The following HINFP variants were observed in gnomAD, a reference collection of about 807,000 sequenced individuals.
The protein encoded by HINFP is histone H4 transcription factor.
Under a neutral mutation model 50.1 loss-of-function variants are expected in HINFP, and 20 were observed. The observed-to-expected ratio is 0.40, with a 90% confidence interval of 0.28 to 0.58. HINFP has a LOEUF of 0.58. HINFP is among the 20% of genes least tolerant of loss of function. HINFP has a pLI of 0.45. For missense variants in HINFP, 505 were observed against 664.1 expected (o/e 0.76, Z 2.63); for synonymous variants, 247 against 243.7 (o/e 1.01, Z -0.13).
At position 119,134,505 on chromosome 11, in the gene HINFP, C is replaced by T. The variant is rs998282241; in HGVS notation, c.*7C>T. 1 of 1,573,798 alleles carries T rather than the reference C, an allele frequency of 6.4e-7. No individual in the cohort carries two copies. The highest frequency in any genetic ancestry group is 1.4e-5 in the African/African-American group (1 of 73,778). On this transcript the variant is annotated 3_prime_UTR_variant, in exon 10 of 10. Coordinates refer to ENST00000350777, the MANE Select transcript of HINFP (RefSeq NM_198971.3). This position sits in a 1 kb window ranked among gnomAD's most constrained non-coding sequence, Gnocchi z 4.3. Reference sequence around the variant, plus strand: ...AGAGATCCAGATGGTTTGAAGGCCGCAGAGCCAGACCATTTCTTCCCCAGG... The same window carrying T: ...AGAGATCCAGATGGTTTGAAGGCCGTAGAGCCAGACCATTTCTTCCCCAGG...
chr11:119,130,698 C>G (rs534801078), intron 2 of HINFP, 27 bp from the exon 3 acceptor site: 2 of 1,597,280 alleles, frequency 1.3e-6, no homozygotes, highest in South Asian at 1.1e-5. Flanking sequence ...AAGTGTCAGA[C>G]TCTTCCTTTT....
intron 1 of HINFP, 174 bp from the exon 2 acceptor site, chr11:119,126,761 A>C (rs1947430448): frequency 1.8e-6 from 1 of 558,604 alleles, no homozygotes. Context: ...CAAACACCAG[A>C]CATCTTCCAG....
chr11:119,128,862 C>A (rs1947575208), intron 2 of HINFP, among the ~76,000 whole-genome samples: 2 of 151,714 alleles, frequency 1.3e-5, no homozygotes, highest in African/African-American at 4.8e-5. Flanking sequence ...CTATGCCCAG[C>A]TAATTTTTTT....
intron 1 of HINFP, among the ~76,000 whole-genome samples, chr11:119,123,568 G>A (rs1296217537): frequency 2.0e-5 from 3 of 150,652 alleles, no homozygotes; most frequent in African/African-American, 7.3e-5. Flanking sequence ...TTTTTGACAG[G>A]GTCTGGGTCT....
At position 119,132,580 on chromosome 11, in the gene HINFP, G is replaced by A; in HGVS notation, c.754+7G>A. ...GACCACATGCGCAACCATGGTGAGT[G>A]GCCTGCGGCCCACAGCCTCCCTCCT... On this transcript the variant is annotated splice_region_variant and intron_variant, in intron 6 of 9. Coordinates refer to ENST00000350777, the MANE Select transcript of HINFP (RefSeq NM_198971.3). 2.5e-6 allele frequency: 4 copies of A among 1,614,064 alleles called. No homozygotes were observed. The highest frequency in any genetic ancestry group is 3.4e-6 in the Non-Finnish European group (4 of 1,180,004).
At position 119,131,396 on chromosome 11, in the gene HINFP, C is replaced by T; in HGVS notation, c.412-139C>T. The T allele has an allele frequency of 4.4e-6, 3 of 682,952 alleles. No homozygotes were observed. Among genetic ancestry groups the T allele is most frequent in the South Asian group, 1.6e-5 (1 of 61,638 alleles). 42.3% of individuals were successfully genotyped at this position (682,952 alleles called of 1,614,324 possible). A position where few individuals can be genotyped will look rare whatever the true frequency, so the allele number is the denominator to read the frequency against. On this transcript the variant is annotated intron_variant, in intron 3 of 9. Transcript: ENST00000350777. This position sits in a 1 kb window ranked among gnomAD's most constrained non-coding sequence, Gnocchi z 4.2. ...TAGCAACCGCACCCGGCCACTCCTC[C>T]ATTTCTGTGCAGTGCCTTTCCTCAA...
intron 1 of HINFP, among the ~76,000 whole-genome samples, chr11:119,123,002 A>G (rs1397890014): frequency 1.3e-5 from 2 of 151,970 alleles, no homozygotes; most frequent in Non-Finnish European, 2.9e-5. Flanking sequence ...GCGTGCTTAT[A>G]GTCCCAGCTA....
rs662069 is a variant in HINFP at position 119,132,612 on chromosome 11, C to G, written c.754+39C>G. 3.7e-5 allele frequency: 59 copies of G among 1,613,794 alleles called. No individual in the cohort carries two copies. The Middle Eastern group carries it at 4.9e-4, about 13-fold the overall frequency. On this transcript the variant is annotated intron_variant, in intron 6 of 9. Transcript: ENST00000350777. ...GGCCCACAGCCTCCCTCCTGCCCTC[C>G]AAGGTTCCACAAGTTCTCACATCAC...
rs995954596 is a variant in HINFP, at chr11:119,133,774, C to A, written c.1140-310C>A. Reference sequence around the variant, plus strand: ...CTGCAGCTGGAACTAGAGCTAGAGTCTAAGGGTTCTGATCCTTAGCTCCAA... The same window carrying A: ...CTGCAGCTGGAACTAGAGCTAGAGTATAAGGGTTCTGATCCTTAGCTCCAA... On this transcript the variant is annotated intron_variant, in intron 9 of 9. Coordinates refer to ENST00000350777, the MANE Select transcript of HINFP (RefSeq NM_198971.3). 18 of 486,938 alleles carry A rather than the reference C, an allele frequency of 3.7e-5. No homozygotes were observed. In the East Asian group the frequency reaches 6.1e-4, roughly 17 times the overall value. The allele number at this position is 486,938 out of a possible 1,614,324, so 30.2% of individuals were successfully genotyped here.
At chr11:119,129,355 T>TA (rs1392131853) in intron 2 of HINFP, among the ~76,000 whole-genome samples, 1 of 151,424 alleles carries the variant, frequency 6.6e-6, no homozygotes, top group African/African-American at 2.4e-5. Flanking sequence ...ACTTTTTTTT[T>TA]AGAGACAGAG....
chr11:119,130,661 C>G, intron 2 of HINFP, 64 bp from the exon 3 acceptor site: 1 of 1,410,750 alleles, frequency 7.1e-7, no homozygotes, highest in Non-Finnish European at 1.0e-6. Flanking sequence ...TTTAGTGCTG[C>G]AGGTGGAAGG....
chr11:119,126,448 T>A (rs950705156), intron 1 of HINFP: 2 of 151,518 alleles, frequency 1.3e-5, no homozygotes, highest in Non-Finnish European at 2.9e-5. Flanking sequence ...GTGCTTGACA[T>A]ATAGTAAGTG....
rs932425849 is a variant in HINFP, at chr11:119,121,622, A to G, written c.-28A>G. 6.6e-6 allele frequency: 1 copy of G among 152,262 alleles called. No homozygotes were observed. The highest frequency in any genetic ancestry group is 6.5e-5 in the Admixed American group (1 of 15,286). 9.4% of individuals were successfully genotyped at this position (152,262 alleles called of 1,614,324 possible). A position where few individuals can be genotyped will look rare whatever the true frequency, so the allele number is the denominator to read the frequency against. The stretch of plus-strand genomic sequence containing the variant: ...CTGAGGTGGGAGAAGAGCTGAAGAG[A>G]CCTGGAGCCGACAGACGGTAAGCTG... On this transcript the variant is annotated 5_prime_UTR_variant, in exon 1 of 10. Coordinates refer to ENST00000350777, the MANE Select transcript of HINFP (RefSeq NM_198971.3).
intron 1 of HINFP, chr11:119,123,660 A>C (rs1947213545): frequency 6.7e-6 from 1 of 149,196 alleles, no homozygotes; most frequent in African/African-American, 2.5e-5. Flanking sequence ...CTCCCACCTG[A>C]ACCTCCCAAG....
chr11:119,134,572 G>GC lies in HINFP; in HGVS notation c.*75dup. 1 of 1,234,760 alleles carries GC rather than the reference G, an allele frequency of 8.1e-7. No homozygotes were observed. 76.5% of individuals were successfully genotyped at this position (1,234,760 alleles called of 1,614,324 possible). A position where few individuals can be genotyped will look rare whatever the true frequency, so the allele number is the denominator to read the frequency against. On this transcript the variant is annotated 3_prime_UTR_variant, in exon 10 of 10. Transcript: ENST00000350777. This position sits in a 1 kb window ranked among gnomAD's most constrained non-coding sequence, Gnocchi z 4.3. ...AGGCAAGTGGCAGTGCCCCTAGTGG[G>GC]CAGCCGTTGCCAATGGATGCCTTTA...
chr11:119,125,361 A>G (rs1565788683), intron 1 of HINFP: 1 of 152,036 alleles, frequency 6.6e-6, no homozygotes, highest in Non-Finnish European at 1.5e-5. Flanking sequence ...TTTCATGTTT[A>G]TCTTTCTTCA....
rs1565804077 is a variant in HINFP at position 119,134,243 on chromosome 11, AG to A, written c.1303del (p.Glu435SerfsTer33). The A allele has an allele frequency of 6.2e-7, 1 of 1,614,082 alleles. No individual in the cohort carries two copies. The highest frequency in any genetic ancestry group is 8.5e-7 in the Non-Finnish European group (1 of 1,180,002). On this transcript the variant is annotated frameshift_variant, in exon 10 of 10. Transcript: ENST00000350777. LOFTEE classifies it low-confidence loss of function (END_TRUNC). This position sits in a 1 kb window ranked among gnomAD's most constrained non-coding sequence, Gnocchi z 4.3. ...AGGGCATTATTCTAGAAACAGTGCCAGGGGAGCCAGGACGTAAGGAAGAGGA... is the reference window on the plus strand; with the variant it reads ...AGGGCATTATTCTAGAAACAGTGCCAGGGAGCCAGGACGTAAGGAAGAGGA... The part of the protein sequence containing the change: ...LQGIILETVP[G>X]EPGRKEEEEE...
chr11:119,127,331 A>G, intron 2 of HINFP: 1 of 449,918 alleles, frequency 2.2e-6, no homozygotes, highest in Admixed American at 3.9e-5. Flanking sequence ...TCCTGCCATC[A>G]AGAAGTAATT....
chr11:119,130,492 A>G (rs1017811773), intron 2 of HINFP: 1 of 530,178 alleles, frequency 1.9e-6, no homozygotes, highest in Non-Finnish European at 3.4e-6. Flanking sequence ...TCCCTGACTG[A>G]AAGCTATGTG....
Sources: gnomAD v4.1 joint callset for allele counts (sites outside exome capture counted in the v4.1 genomes callset) on GRCh38, gnomAD v4.1.1 for gene constraint, Gnocchi (gnomAD v3.1) non-coding constraint, MANE v1.5 for transcripts, NCBI Gene and HGNC (gene_info 2026-07-23, HGNC 2026-07-21) for gene names.